ZNF717: variants seen among roughly 807,000 people sequenced by gnomAD.
ZNF717 encodes zinc finger protein 717.
Under a neutral mutation model 13.8 loss-of-function variants are expected in ZNF717, and 9 were observed. The observed-to-expected ratio is 0.65, with a 90% CI of 0.39 to 1.14. The LOEUF (loss-of-function observed/expected upper bound fraction) is 1.14, where lower values mean the gene tolerates loss of function less well. ZNF717 is among the 50% of genes most tolerant of loss of function. The probability of loss-of-function intolerance (pLI) is 0.01; values close to 1 mark genes in which losing one functional copy is unlikely to be tolerated. For missense variants in ZNF717, 1,040 were observed against 1,080.7 expected, an observed-to-expected ratio of 0.96 and a Z score of 0.53; for synonymous variants, 327 against 364.1, an observed-to-expected ratio of 0.90 and a Z score of 1.16.
At chr3:75,730,394 C>A in exon 6 of ZNF717, 2 of 425,236 alleles carry the variant, frequency 4.7e-6, no homozygotes, top group Non-Finnish European at 4.1e-6. Context: ...TGTCAATTTG[C>A]TGTGCAAAGG....
At chr3:75,760,902 A>G (rs1559652850) in intron 2 of ZNF717, among the ~76,000 whole-genome samples, 1 of 152,078 alleles carries the variant, frequency 6.6e-6, no homozygotes, top group African/African-American at 2.4e-5. Context: ...ACTCACAGCC[A>G]TATTAAGAAA....
rs1379819525 is a variant in ZNF717 at position 75,702,599 on chromosome 3, TA to T, written n.1085+8587del. Among the ~76,000 whole-genome samples the T allele has an allele frequency of 1.4e-4, 22 of 152,406 alleles. No individual in the cohort carries two copies. The South Asian group carries it at 3.5e-3, about 24-fold the overall frequency. On this transcript the variant is annotated intron_variant and non_coding_transcript_variant, in intron 6 of 6. Coordinates refer to the ZNF717 transcript ENST00000648506. ...TTATAGTAAAACATAATTTATACAT[TA>T]AAAAAACTAAAAGAGTATAATTGGA...
chr3:75,753,705 A>C (rs796522697), intron 2 of ZNF717, among the ~76,000 whole-genome samples: 1 of 87,674 alleles, frequency 1.1e-5, no homozygotes, highest in Non-Finnish European at 2.3e-5. Context: ...CCCTCACATA[A>C]GATTCCAGAA....
chr3:75,704,769 C>A (rs879375531), downstream of ZNF717, among the ~76,000 whole-genome samples: 27 of 152,080 alleles, frequency 1.8e-4, no homozygotes, highest in African/African-American at 6.3e-4. Context: ...AGGAAAGAGG[C>A]CCCAAACAGT....
In ZNF717 at chr3:75,738,574, C is replaced by T. The variant is rs186706183; in HGVS notation, c.1049G>A (p.Arg350His). The change falls in exon 5 of 5, where the codon CGT becomes CAT. Residue 350 changes from arginine (R) to histidine (H), a missense_variant. Transcript: ENST00000652011. ...CTCATGTAAAGTGAGGAATGACTTA[C>T]GGCGAAAGGTTTTACCACATTCATT... ...GCNECGKTFR[R>H]KSFLTLHERT... 2,657 of 1,536,658 alleles carry T rather than the reference C, an allele frequency of 1.7e-3. No individual in the cohort carries two copies. The African/African-American group carries it at 0.034, about 20-fold the overall frequency.
intron 4 of ZNF717, among the ~76,000 whole-genome samples, chr3:75,724,698 C>T (rs77422664): frequency 2.4e-3 from 353 of 149,616 alleles, no homozygotes; most frequent in African/African-American, 7.7e-3. Context: ...TAAGCAACCA[C>T]GTGAGTGTAA....
At chr3:75,695,817 A>G (rs140258134) in intron 6 of ZNF717, among the ~76,000 whole-genome samples, 2,102 of 99,778 alleles carry the variant, frequency 0.021, no homozygotes, top group Middle Eastern at 0.083. Context: ...GGAATATAGT[A>G]AAAGAGGTAC....
intron 5 of ZNF717, among the ~76,000 whole-genome samples, chr3:75,715,150 C>T (rs1359911950): frequency 2.0e-5 from 3 of 152,150 alleles, no homozygotes; most frequent in Admixed American, 2.0e-4. Context: ...GTTTCCATGG[C>T]AGTTTGACTT....
chr3:75,722,044 A>C (rs113178890), intron 4 of ZNF717, among the ~76,000 whole-genome samples: 1 of 151,668 alleles, frequency 6.6e-6, no homozygotes, highest in Non-Finnish European at 1.5e-5. Context: ...TCAAGAGATC[A>C]AGACCATCCT....
intron 5 of ZNF717, among the ~76,000 whole-genome samples, chr3:75,714,990 T>C (rs1442393723): frequency 1.3e-5 from 2 of 152,216 alleles, no homozygotes; most frequent in East Asian, 1.9e-4. Flanking sequence ...TTTTAGACTT[T>C]TAGTCATGAG....
chr3:75,771,170 C>A (rs1160943380), intron 2 of ZNF717, among the ~76,000 whole-genome samples: 2 of 152,206 alleles, frequency 1.3e-5, no homozygotes, highest in Non-Finnish European at 2.9e-5. Context: ...TCACACACTG[C>A]TGAGTGTTCA....
chr3:75,753,750 T>C (rs149501663), intron 2 of ZNF717, among the ~76,000 whole-genome samples: 1 of 96,404 alleles, frequency 1.0e-5, no homozygotes, highest in Non-Finnish European at 2.3e-5. Flanking sequence ...GTCCCTCACA[T>C]AGGATTCCAG....
chr3:75,749,402 T>C (rs1941483656), intron 2 of ZNF717, among the ~76,000 whole-genome samples: 1 of 151,968 alleles, frequency 6.6e-6, no homozygotes, highest in Admixed American at 6.6e-5. Flanking sequence ...TGAATGTTTG[T>C]CCCTCACATA....
chr3:75,735,228 C>T (rs1408910359), downstream of ZNF717, among the ~76,000 whole-genome samples: 1 of 147,108 alleles, frequency 6.8e-6, no homozygotes, highest in Non-Finnish European at 1.5e-5. Flanking sequence ...ACTGGTATTA[C>T]ATTTCTATTA....
chr3:75,774,236 A>T (rs1196897330), intron 2 of ZNF717, among the ~76,000 whole-genome samples: 1 of 151,492 alleles, frequency 6.6e-6, no homozygotes, highest in Non-Finnish European at 1.5e-5. Context: ...TTGGGAAGGT[A>T]AGTCTTCCCT....
chr3:75,729,042 G>A (rs1349935058), downstream of ZNF717, among the ~76,000 whole-genome samples: 32 of 149,724 alleles, frequency 2.1e-4, no homozygotes, highest in African/African-American at 7.2e-4. Context: ...TGTCAGGTGG[G>A]CAGAGGGGTG....
chr3:75,746,862 G>A (rs1216208149), intron 2 of ZNF717, among the ~76,000 whole-genome samples: 1 of 152,206 alleles, frequency 6.6e-6, no homozygotes, highest in Non-Finnish European at 1.5e-5. Flanking sequence ...AAGCTCGTTA[G>A]TTTAATTAGA....
At chr3:75,750,614 T>A (rs1368209914) in intron 2 of ZNF717, among the ~76,000 whole-genome samples, 1 of 151,674 alleles carries the variant, frequency 6.6e-6, no homozygotes, top group East Asian at 1.9e-4. Flanking sequence ...CCAACAGGAT[T>A]CCAGAACACT....
At position 75,736,762 on chromosome 3, in the gene ZNF717, G is replaced by C; in HGVS notation, c.*116C>G. On this transcript the variant is annotated 3_prime_UTR_variant, in exon 5 of 5. Transcript: ENST00000652011. ...ATGATAGGACTTCTGTTACAGCATG[G>C]TTAAGACCTTCTTGTTGGTAGGCCA... 6 of 1,162,174 alleles carry C rather than the reference G, an allele frequency of 5.2e-6. No individual in the cohort carries two copies. Among genetic ancestry groups the C allele is most frequent in the Non-Finnish European group, 5.9e-6 (5 of 846,182 alleles). 72.0% of individuals were successfully genotyped at this position (1,162,174 alleles called of 1,614,324 possible).
Sources: gnomAD v4.1 joint callset for allele counts (sites outside exome capture counted in the v4.1 genomes callset) on GRCh38, gnomAD v4.1.1 for gene constraint, MANE v1.5 for transcripts, NCBI Gene and HGNC (gene_info 2026-07-23, HGNC 2026-07-21) for gene names.